Variants in SMC2 observed in about 807,000 individuals in gnomAD.
SMC2 encodes structural maintenance of chromosomes protein 2.
Under a neutral mutation model 142.6 loss-of-function variants are expected in SMC2, and 41 were observed. The ratio of observed to expected loss-of-function variants is 0.29; its 90% CI spans 0.22 to 0.37. The LOEUF is 0.37. SMC2 is among the 10% of genes least tolerant of loss of function. The pLI is 1.00. For synonymous variants in SMC2, 463 were observed against 457.5 expected (o/e 1.01, Z -0.15); for missense variants, 1,265 against 1,373.7 (o/e 0.92, Z 1.25).
intron 15 of SMC2, 110 bp downstream of exon 15, chr9:104,118,485 T>G: frequency 1.1e-6 from 1 of 888,428 alleles, no homozygotes; most frequent in Non-Finnish European, 1.7e-6. Context: ...ACATGTTAAC[T>G]TCTCATTTGT....
rs776424588 is a variant in SMC2 at position 104,113,368 on chromosome 9, A to C, written c.1307A>C (p.Glu436Ala). 1 of 1,612,014 alleles carries C rather than the reference A, an allele frequency of 6.2e-7. No individual in the cohort carries two copies. The highest frequency in any genetic ancestry group is 8.5e-7 in the Non-Finnish European group (1 of 1,178,926). Residue 436 changes from glutamate to alanine, a missense_variant, in exon 11 of 25, where the codon GAA becomes GCA. By Grantham distance (107) the Glu-to-Ala change is moderately radical. Around this residue, in one of 4 missense-constraint regions of SMC2, gnomAD observed 898 missense variants for 904.2 expected, o/e 0.99. Transcript: ENST00000374793. ...CAGGAATTAAAGAATAAACAAGCTGAAGTTAAGAAGATGGATAGTGGCTAC... is the reference window on the plus strand; with the variant it reads ...CAGGAATTAAAGAATAAACAAGCTGCAGTTAAGAAGATGGATAGTGGCTAC... ...AQQELKNKQA[E>A]VKKMDSGYRK...
At chr9:104,120,477 T>C (rs893586467) in intron 16 of SMC2, among the ~76,000 whole-genome samples, 1 of 152,228 alleles carries the variant, frequency 6.6e-6, no homozygotes, top group African/African-American at 2.4e-5. Context: ...TTCGACACTC[T>C]GGCGTCTGAT....
upstream of SMC2, among the ~76,000 whole-genome samples, chr9:104,091,247 A>G (rs1166640774): frequency 5.3e-5 from 8 of 152,226 alleles, no homozygotes; most frequent in Non-Finnish European, 8.8e-5. Flanking sequence ...ACAAACCTAC[A>G]TATTATAGCC....
At chr9:104,118,547 C>G (rs183723127) in intron 15 of SMC2, among the ~76,000 whole-genome samples, 172 bp downstream of exon 15, 1 of 152,254 alleles carries the variant, frequency 6.6e-6, no homozygotes, top group Admixed American at 6.5e-5. Context: ...AAAAATTAAA[C>G]CTGCCCTTGA....
chr9:104,118,209 T>C lies in SMC2; in HGVS notation c.1830T>C (p.Val610=). 5 of 1,613,838 alleles carry C rather than the reference T, an allele frequency of 3.1e-6. No homozygotes were observed. The highest frequency in any genetic ancestry group is 4.2e-6 in the Non-Finnish European group (5 of 1,179,784). Residue 610 remains valine, a synonymous_variant, in exon 15 of 25, where the codon GTT becomes GTC. Transcript: ENST00000374793. The part of the protein sequence containing the change: ...PDNVHVALSL[V]EYKPELQKAM... ...ACGTTCATGTGGCTCTTTCCTTGGT[T>C]GAATATAAACCAGAACTTCAGAAAG...
chr9:104,100,122 A>C lies in SMC2; in HGVS notation c.510A>C (p.Gly170=). 6.3e-7 allele frequency: 1 copy of C among 1,579,448 alleles called. No individual in the cohort carries two copies. The highest frequency in any genetic ancestry group is 8.5e-7 in the Non-Finnish European group (1 of 1,169,862). The change falls in exon 6 of 25, where the codon GGA becomes GGC. Residue 170 remains glycine, a synonymous_variant. Coordinates refer to ENST00000374793, the MANE Select transcript of SMC2 (RefSeq NM_006444.3). The part of the protein sequence containing the change: ...EILSMIEEAA[G]TRMYEYKKIA... ...TATCCATGATAGAAGAAGCAGCTGG[A>C]ACCAGGATGTATGAATACAAAAAAA...
In SMC2 at chr9:104,139,443, T is replaced by C; in HGVS notation, c.*128T>C. 1.5e-6 allele frequency: 1 copy of C among 663,594 alleles called. No individual in the cohort carries two copies. Among genetic ancestry groups the C allele is most frequent in the South Asian group, 2.3e-5 (1 of 42,824 alleles). 41.1% of individuals were successfully genotyped at this position (663,594 alleles called of 1,614,324 possible). A position where few individuals can be genotyped will look rare whatever the true frequency, so the allele number is the denominator to read the frequency against. On this transcript the variant is annotated 3_prime_UTR_variant, in exon 25 of 25. Coordinates refer to ENST00000374793, the MANE Select transcript of SMC2 (RefSeq NM_006444.3). ...TTACTTAACCCATGTTTTCTCTTTATATAATCACTTATCGCTTACAAATGA... is the reference window on the plus strand; with the variant it reads ...TTACTTAACCCATGTTTTCTCTTTACATAATCACTTATCGCTTACAAATGA...
At chr9:104,126,512 G>T in intron 18 of SMC2, 129 bp from the exon 19 acceptor site, 1 of 590,372 alleles carries the variant, frequency 1.7e-6, no homozygotes, top group Non-Finnish European at 2.7e-6. Flanking sequence ...TGTACTTTCG[G>T]TAGCTGAGTG....
Position 104,097,056 on chromosome 9 carries a change from A to G in SMC2, c.318+759A>G, listed in dbSNP as rs539129645. On this transcript the variant is annotated intron_variant, in intron 3 of 24. Transcript: ENST00000374793. ...TGGATTCATATTAGATTTACTTGAA[A>G]CCACTCAATTTTTTTTTAGGTGTGT... Among the ~76,000 whole-genome samples the G allele has an allele frequency of 9.4e-5, 14 of 149,662 alleles. No individual in the cohort carries two copies. The South Asian group carries it at 2.9e-3, about 31-fold the overall frequency.
chr9:104,107,938 C>T (rs1831998946), intron 9 of SMC2, among the ~76,000 whole-genome samples: 1 of 152,164 alleles, frequency 6.6e-6, no homozygotes, highest in Non-Finnish European at 1.5e-5. Flanking sequence ...TCTTAGGTGG[C>T]AGGCCGGGTT....
Position 104,138,215 on chromosome 9 carries a change from T to C in SMC2, c.3417+50T>C, listed in dbSNP as rs200194310. On this transcript the variant is annotated intron_variant, in intron 24 of 24. Coordinates refer to ENST00000374793, the MANE Select transcript of SMC2 (RefSeq NM_006444.3). ...AGTAATAGTTTAATTAGACTATTTT[T>C]CTAAAACCATTCTTTAGTTAGTAGT... 270 of 1,450,372 alleles carry C rather than the reference T, an allele frequency of 1.9e-4. 1 individual carries two copies. In the African/African-American group the frequency reaches 3.3e-3, roughly 18 times the overall value. The allele number at this position is 1,450,372 out of a possible 1,614,324, so 89.8% of individuals were successfully genotyped here. A position where few individuals can be genotyped will look rare whatever the true frequency, so the allele number is the denominator to read the frequency against.
In SMC2 at chr9:104,124,596, A is replaced by T. The variant is rs75571414; in HGVS notation, c.2258-316A>T. Among the ~76,000 whole-genome samples, 20 of 151,740 alleles carry T rather than the reference A, an allele frequency of 1.3e-4. No individual in the cohort carries two copies. The East Asian group carries it at 3.5e-3, about 26-fold the overall frequency. ...ATACTGTTCTGGTTTTAGGAAGCAT[A>T]CAATTGCATTAAAAATATGATCTGT... is the stretch of plus-strand genomic sequence containing the variant. On this transcript the variant is annotated intron_variant, in intron 17 of 24. Coordinates refer to ENST00000374793, the MANE Select transcript of SMC2 (RefSeq NM_006444.3).
chr9:104,138,238 A>G lies in SMC2; in HGVS notation c.3417+73A>G, dbSNP rs1405887877. 1.6e-5 allele frequency: 19 copies of G among 1,215,730 alleles called. No individual in the cohort carries two copies. The East Asian group carries it at 4.4e-4, about 28-fold the overall frequency. 75.3% of individuals were successfully genotyped at this position (1,215,730 alleles called of 1,614,324 possible). On this transcript the variant is annotated intron_variant, in intron 24 of 24. Transcript: ENST00000374793. ...TTTCTAAAACCATTCTTTAGTTAGT[A>G]GTCAATGTTAATAAGATATTTAGGG...
Position 104,114,029 on chromosome 9 carries a change from G to A in SMC2, c.1480G>A (p.Glu494Lys). Residue 494 changes from glutamate (E) to lysine (K), a missense_variant, in exon 12 of 25, where the codon GAA (glutamate) becomes AAA (lysine). Transcript: ENST00000374793. ...GTCTCGTGATATTGGTAGATTGAAA[G>A]AAACATATGAAGCTCTATTAGCCAG... ...QLSRDIGRLK[E>K]TYEALLARFP... 1.2e-6 allele frequency: 2 copies of A among 1,601,780 alleles called. No homozygotes were observed. Among genetic ancestry groups the A allele is most frequent in the South Asian group, 2.3e-5 (2 of 88,274 alleles).
Position 104,127,467 on chromosome 9 carries a change from A to G in SMC2, c.2777A>G (p.Asp926Gly). ...NISKHKREAEDGAAKVSKMLK... is the reference protein window; with the variant it reads ...NISKHKREAEGGAAKVSKMLK... ...AGCAAACATAAACGGGAGGCTGAAG[A>G]TGGTGCTGCAAAGGTATACGTTTGT... is the stretch of plus-strand genomic sequence containing the variant. The change falls in exon 20 of 25, where the codon GAT becomes GGT. Residue 926 changes from aspartate (D) to glycine (G), a missense_variant. Asp to Gly is a moderately conservative substitution (Grantham distance 94). Coordinates refer to ENST00000374793, the MANE Select transcript of SMC2 (RefSeq NM_006444.3). 1 of 1,609,400 alleles carries G rather than the reference A, an allele frequency of 6.2e-7. No individual in the cohort carries two copies. The highest frequency in any genetic ancestry group is 8.5e-7 in the Non-Finnish European group (1 of 1,177,622).
intron 7 of SMC2, 137 bp downstream of exon 7, chr9:104,100,570 C>T (rs1831000835): frequency 1.7e-6 from 1 of 578,006 alleles, no homozygotes; most frequent in Non-Finnish European, 3.1e-6. Flanking sequence ...AGTTGGCACT[C>T]CATAACTCAG....
At chr9:104,106,285 T>C (rs1001852185) in intron 9 of SMC2, among the ~76,000 whole-genome samples, 1 of 152,216 alleles carries the variant, frequency 6.6e-6, no homozygotes, top group Admixed American at 6.5e-5. Context: ...AAAAGACATA[T>C]TTCTTTCAAG....
chr9:104,096,636 A>G (rs1046313395), intron 3 of SMC2, among the ~76,000 whole-genome samples: 3 of 152,256 alleles, frequency 2.0e-5, no homozygotes, highest in African/African-American at 7.2e-5. Flanking sequence ...GTTTTTGGAC[A>G]GGTCTTATTA....
In SMC2 at chr9:104,123,133, G is replaced by T. The variant is rs771365550; in HGVS notation, c.2158G>T (p.Glu720Ter). The T allele has an allele frequency of 6.2e-7, 1 of 1,611,458 alleles. No individual in the cohort carries two copies. Among genetic ancestry groups the T allele is most frequent in the East Asian group, 2.2e-5 (1 of 44,626 alleles). ...GTATCGCCAACTAAAACAGCAGTGG[G>T]AGATGAAAACTGAAGAGGCAGATTT... ...EKYRQLKQQW[E>*]MKTEEADLLQ... The change falls in exon 17 of 25, where the codon GAG becomes TAG. Residue 720 changes from glutamate to a stop codon, truncating the protein, a stop_gained. Transcript: ENST00000374793. LOFTEE classifies it high-confidence loss of function.
Sources: allele counts gnomAD v4.1 joint callset (sites outside exome capture counted in the v4.1 genomes callset), GRCh38; gene constraint gnomAD v4.1.1; regional missense constraint gnomAD v4.1.1; transcripts MANE v1.5; gene names NCBI Gene and HGNC (gene_info 2026-07-23, HGNC 2026-07-21).